The following DOLPP1 variants were observed in gnomAD, a reference collection of about 807,000 sequenced individuals.
DOLPP1 encodes dolichyl pyrophosphate phosphatase 1.
In DOLPP1, 15 loss-of-function variants were observed where a neutral mutation model predicts 34.1. The observed-to-expected ratio is 0.44, with a 90% CI of 0.29 to 0.68. The LOEUF is 0.68. Ranked by LOEUF, DOLPP1 falls within the 30% of genes least tolerant of loss-of-function variation. The pLI, the probability that DOLPP1 is intolerant of heterozygous loss-of-function variation, is 0.12. For synonymous variants in DOLPP1, 130 were observed against 128.2 expected (o/e 1.01, Z -0.10); for missense variants, 249 against 307.1 (o/e 0.81, Z 1.41).
chr9:129,081,244 G>A, intron 1 of DOLPP1, 37 bp downstream of exon 1: 1 of 1,603,536 alleles, frequency 6.2e-7, no homozygotes, highest in East Asian at 2.3e-5. Context: ...CGCCTTCCCA[G>A]GGACGGCCTC....
At chr9:129,086,008 G>A in intron 5 of DOLPP1, 131 bp from the exon 6 acceptor site, 1 of 857,538 alleles carries the variant, frequency 1.2e-6, no homozygotes, top group Non-Finnish European at 1.8e-6. Context: ...GTGCCCCGTG[G>A]AGTCAGTGTC....
At chr9:129,086,561 T>TCAGTGG in intron 6 of DOLPP1, 148 bp from the exon 7 acceptor site, 1 of 856,042 alleles carries the variant, frequency 1.2e-6, no homozygotes. Flanking sequence ...GCTGGGTCTC[T>TCAGTGG]CAGTGGCTCT....
chr9:129,090,208 T>A lies in DOLPP1; in HGVS notation c.*1201T>A, dbSNP rs1172099761. The A allele has an allele frequency of 6.6e-6, 1 of 152,624 alleles. No individual in the cohort carries two copies. The highest frequency in any genetic ancestry group is 2.1e-4 in the South Asian group (1 of 4,836). The allele number at this position is 152,624 out of a possible 1,614,324, so 9.5% of individuals were successfully genotyped here. A position where few individuals can be genotyped will look rare whatever the true frequency, so the allele number is the denominator to read the frequency against. ...TTCCTAACCTGCTGCTGAAGCACAATGTTTTGGTGCTTTCTTTTCTCATTT... is the reference window on the plus strand; with the variant it reads ...TTCCTAACCTGCTGCTGAAGCACAAAGTTTTGGTGCTTTCTTTTCTCATTT... On this transcript the variant is annotated 3_prime_UTR_variant, in exon 8 of 8. Transcript: ENST00000372546.
intron 6 of DOLPP1, 67 bp from the exon 7 acceptor site, chr9:129,086,642 G>A: frequency 6.6e-7 from 1 of 1,505,464 alleles, no homozygotes. Flanking sequence ...CAATGGTGGG[G>A]ATGGCTGGCA....
intron 1 of DOLPP1, 108 bp from the exon 2 acceptor site, chr9:129,084,560 C>T (rs1846948456): frequency 6.9e-6 from 6 of 864,242 alleles, no homozygotes; most frequent in South Asian, 6.7e-5. Context: ...CTCCATTCTC[C>T]AGGCCCTGCC....
Position 129,086,789 on chromosome 9 carries a change from C to A in DOLPP1, c.671C>A (p.Ala224Glu). ...VLWFEYTVTR[A>E]EARNRQRKLG... Reference sequence around the variant, plus strand: ...TGGTTTGAGTACACGGTAACCCGGGCAGAAGCCAGGTGAGTTCAGGGGACA... The same window carrying A: ...TGGTTTGAGTACACGGTAACCCGGGAAGAAGCCAGGTGAGTTCAGGGGACA... The change falls in exon 7 of 8, where the codon GCA (alanine) becomes GAA (glutamate). Residue 224 changes from alanine (A) to glutamate (E), a missense_variant. Coordinates refer to ENST00000372546, the MANE Select transcript of DOLPP1 (RefSeq NM_020438.5). 6.2e-7 allele frequency: 1 copy of A among 1,613,580 alleles called. No homozygotes were observed. The highest frequency in any genetic ancestry group is 8.5e-7 in the Non-Finnish European group (1 of 1,179,974).
chr9:129,081,612 C>A (rs1392518287), intron 1 of DOLPP1, among the ~76,000 whole-genome samples: 1 of 152,240 alleles, frequency 6.6e-6, no homozygotes, highest in African/African-American at 2.4e-5. Flanking sequence ...TTCCTTCGAA[C>A]AGTGCTTTGG....
chr9:129,086,060 G>A, intron 5 of DOLPP1, 79 bp from the exon 6 acceptor site: 1 of 1,421,268 alleles, frequency 7.0e-7, no homozygotes, highest in Non-Finnish European at 9.7e-7. Flanking sequence ...TCCCTGGGAA[G>A]CTGGCACATG....
intron 1 of DOLPP1, among the ~76,000 whole-genome samples, chr9:129,083,545 T>G (rs1040609362): frequency 1.6e-4 from 25 of 152,144 alleles, no homozygotes; most frequent in African/African-American, 5.8e-4. Flanking sequence ...GGCATGTGTG[T>G]GTCTATGTCT....
intron 1 of DOLPP1, 70 bp downstream of exon 1, chr9:129,081,277 G>C (rs1588429273): frequency 6.4e-7 from 1 of 1,573,560 alleles, no homozygotes; most frequent in Non-Finnish European, 8.6e-7. Context: ...GCTCCGGCCT[G>C]CTCGAGCCCG....
At chr9:129,081,888 G>A (rs1290200847) in intron 1 of DOLPP1, among the ~76,000 whole-genome samples, 1 of 152,208 alleles carries the variant, frequency 6.6e-6, no homozygotes, top group Admixed American at 6.5e-5. Context: ...TGGGCGTGGG[G>A]GTCAGACCCA....
chr9:129,084,570 C>G, intron 1 of DOLPP1, 98 bp from the exon 2 acceptor site: 1 of 923,358 alleles, frequency 1.1e-6, no homozygotes, highest in Non-Finnish European at 1.8e-6. Flanking sequence ...CAGGCCCTGC[C>G]GGGACCTCCT....
At chr9:129,088,384 GACAA>G (rs959949653) in intron 7 of DOLPP1, among the ~76,000 whole-genome samples, 17 of 152,064 alleles carry the variant, frequency 1.1e-4, no homozygotes, top group Non-Finnish European at 2.1e-4. Flanking sequence ...TGGGACCCTA[GACAA>G]ACCCCATTCT....
At position 129,086,777 on chromosome 9, in the gene DOLPP1, C is replaced by T. The variant is rs368888435; in HGVS notation, c.659C>T (p.Thr220Met). ...LIPNVLWFEY[T>M]VTRAEARNRQ... ...CCCAACGTACTCTGGTTTGAGTACA[C>T]GGTAACCCGGGCAGAAGCCAGGTGA... The change falls in exon 7 of 8, where the codon ACG (threonine) becomes ATG (methionine). Residue 220 changes from threonine (T) to methionine (M), a missense_variant. By Grantham distance (81) the Thr-to-Met change is moderately conservative. Transcript: ENST00000372546. The T allele has an allele frequency of 8.1e-6, 13 of 1,613,524 alleles. No individual in the cohort carries two copies. The highest frequency in any genetic ancestry group is 5.3e-5 in the African/African-American group (4 of 74,908).
chr9:129,086,013 A>G, intron 5 of DOLPP1, 126 bp from the exon 6 acceptor site: 1 of 903,786 alleles, frequency 1.1e-6, no homozygotes, highest in Non-Finnish European at 1.7e-6. Context: ...CCGTGGAGTC[A>G]GTGTCCTGTC....
At chr9:129,087,120 A>C (rs1847004871) in intron 7 of DOLPP1, among the ~76,000 whole-genome samples, 1 of 152,064 alleles carries the variant, frequency 6.6e-6, no homozygotes, top group South Asian at 2.1e-4. Context: ...CTGTGTGTGG[A>C]CATCCCTAGG....
intron 6 of DOLPP1, 77 bp downstream of exon 6, chr9:129,086,344 G>A: frequency 6.4e-7 from 1 of 1,555,572 alleles, no homozygotes; most frequent in Non-Finnish European, 8.7e-7. Context: ...GGCGGACCTA[G>A]GAGTCTTGAC....
intron 7 of DOLPP1, among the ~76,000 whole-genome samples, chr9:129,087,492 T>A (rs1019513823): frequency 1.3e-5 from 2 of 151,956 alleles, no homozygotes; most frequent in Non-Finnish European, 2.9e-5. Flanking sequence ...ATTTTTTGTA[T>A]TTTTTAGTAG....
chr9:129,081,143 C>T lies in DOLPP1; in HGVS notation c.12C>T (p.Asp4=), dbSNP rs150308649. The T allele has an allele frequency of 3.1e-6, 5 of 1,608,946 alleles. No individual in the cohort carries two copies. The highest frequency in any genetic ancestry group is 2.2e-5 in the East Asian group (1 of 44,588). Residue 4 remains aspartate (D), a synonymous_variant, in exon 1 of 8, where the codon GAC becomes GAT. Transcript: ENST00000372546. MAA[D]GQCSLPASWR... ...GGTCTCCGGGTAAGATGGCAGCGGACGGACAGTGCTCGCTCCCCGCTTCAT... is the reference window on the plus strand; with the variant it reads ...GGTCTCCGGGTAAGATGGCAGCGGATGGACAGTGCTCGCTCCCCGCTTCAT...
Sources: allele counts gnomAD v4.1 joint callset (sites outside exome capture counted in the v4.1 genomes callset), GRCh38; gene constraint gnomAD v4.1.1; transcripts MANE v1.5; gene names NCBI Gene and HGNC (gene_info 2026-07-23, HGNC 2026-07-21).